Variants in ACSF3 observed in about 807,000 individuals in gnomAD.
ACSF3 encodes acyl-CoA synthetase family member 3.
Under a neutral mutation model 53.2 loss-of-function variants are expected in ACSF3, and 78 were observed. The observed-to-expected ratio is 1.47, with a 90% CI of 1.22 to 1.77. The LOEUF (loss-of-function observed/expected upper bound fraction) is 1.77. ACSF3 is among the 40% of genes most tolerant of loss of function. ACSF3 has a pLI of 0.00. For missense variants in ACSF3, 937 were observed against 771.1 expected (o/e 1.22, Z -2.55); for synonymous variants, 414 against 333.1 (o/e 1.24, Z -2.65).
chr16:89,148,728 C>G (rs1913569594), intron 10 of ACSF3: 1 of 152,240 alleles, frequency 6.6e-6, no homozygotes, highest in African/African-American at 2.4e-5. Context: ...GGAGCAGTGG[C>G]CTGAGCTCTA....
intron 8 of ACSF3, chr16:89,136,427 G>T (rs946863933): frequency 3.0e-6 from 3 of 1,004,722 alleles, no homozygotes; most frequent in South Asian, 1.6e-5. Context: ...TTTGTCACAG[G>T]CCATTAGCGA....
intron 10 of ACSF3, chr16:89,153,879 C>T: frequency 1.7e-6 from 1 of 602,430 alleles, no homozygotes; most frequent in East Asian, 2.8e-5. Flanking sequence ...GTGATAACAC[C>T]ATGCCGGGCA....
At chr16:89,099,895 G>A (rs570984573) in intron 2 of ACSF3, among the ~76,000 whole-genome samples, 6 of 150,688 alleles carry the variant, frequency 4.0e-5, no homozygotes, top group Non-Finnish European at 5.9e-5. Flanking sequence ...GAAAAGAAAA[G>A]AAGGAAAAAA....
At chr16:89,131,175 CTAGGCTGAAGTGCAGGGCTGCAG>C (rs1316554296) in intron 7 of ACSF3, among the ~76,000 whole-genome samples, 2 of 133,806 alleles carry the variant, frequency 1.5e-5, no homozygotes, top group Non-Finnish European at 3.1e-5. Flanking sequence ...ACTCCGTCAC[CTAGGCTGAAGTGCAGGGCTGCAG>C]TCTTGGTTCA....
chr16:89,120,137 C>T (rs1163631393), intron 6 of ACSF3, among the ~76,000 whole-genome samples: 1 of 152,222 alleles, frequency 6.6e-6, no homozygotes, highest in Non-Finnish European at 1.5e-5. Flanking sequence ...CGGCGGGACA[C>T]GTCTCGCCAC....
chr16:89,122,450 G>C (rs1042397233), intron 7 of ACSF3: 1 of 445,266 alleles, frequency 2.2e-6, no homozygotes, highest in Non-Finnish European at 4.5e-6. Context: ...TAGGCTGCTG[G>C]CCACACCCCA....
chr16:89,133,162 G>T lies in ACSF3; in HGVS notation c.1266G>T (p.Glu422Asp), dbSNP rs150322170. 5 of 1,614,030 alleles carry T rather than the reference G, an allele frequency of 3.1e-6. No individual in the cohort carries two copies. The highest frequency in any genetic ancestry group is 3.4e-6 in the Non-Finnish European group (4 of 1,179,996). Reference protein sequence around the residue: ...TKVTPGFEEKEGELLVRGPSV... With the variant: ...TKVTPGFEEKDGELLVRGPSV... Reference sequence around the variant, plus strand: ...TGACCCCAGGGTTTGAAGAAAAGGAGGGGGAGCTGCTGGTGAGGGGACCCT... The same window carrying T: ...TGACCCCAGGGTTTGAAGAAAAGGATGGGGAGCTGCTGGTGAGGGGACCCT... Residue 422 changes from glutamate to aspartate, a missense_variant, in exon 8 of 11, where the codon GAG becomes GAT. Glu to Asp is a conservative substitution (Grantham distance 45, BLOSUM62 2). Transcript: ENST00000614302.
intron 8 of ACSF3, among the ~76,000 whole-genome samples, chr16:89,138,883 A>C (rs1312074880): frequency 6.6e-6 from 1 of 152,252 alleles, no homozygotes; most frequent in Non-Finnish European, 1.5e-5. Flanking sequence ...TTTTAAGCCA[A>C]AGTTACACAC....
chr16:89,098,345 G>C (rs942895976), intron 1 of ACSF3, among the ~76,000 whole-genome samples: 4 of 152,272 alleles, frequency 2.6e-5, no homozygotes, highest in African/African-American at 9.6e-5. Flanking sequence ...GTGCTGGAGA[G>C]AGAGAACCTG....
chr16:89,124,033 C>A (rs1388657759), intron 7 of ACSF3, among the ~76,000 whole-genome samples: 2 of 151,530 alleles, frequency 1.3e-5, no homozygotes, highest in Non-Finnish European at 2.9e-5. Flanking sequence ...AGTGTGCACA[C>A]TGGTATCACA....
intron 8 of ACSF3, among the ~76,000 whole-genome samples, chr16:89,142,361 A>G (rs1471028573): frequency 1.3e-5 from 2 of 152,200 alleles, no homozygotes; most frequent in Non-Finnish European, 2.9e-5. Flanking sequence ...GGGCCTGACC[A>G]TGCCAGAAAC....
At position 89,143,032 on chromosome 16, in the gene ACSF3, C is replaced by G. The variant is rs140612223; in HGVS notation, c.1367-2235C>G. On this transcript the variant is annotated intron_variant, in intron 8 of 10. Transcript: ENST00000614302. ...ATGAGCCCACTCGGGGCTGGTGCTGCTGGAGATGGGGAAGAAAATTGCTCC... is the reference window on the plus strand; with the variant it reads ...ATGAGCCCACTCGGGGCTGGTGCTGGTGGAGATGGGGAAGAAAATTGCTCC... 7.0e-3 allele frequency among the ~76,000 whole-genome samples: 1,068 copies of G among 152,352 alleles called. 15 individuals are homozygous for G. Among genetic ancestry groups the G allele is most frequent in the African/African-American group, 0.025 (1,035 of 41,564 alleles).
At chr16:89,138,093 C>T (rs983258317) in intron 8 of ACSF3, among the ~76,000 whole-genome samples, 3 of 152,138 alleles carry the variant, frequency 2.0e-5, no homozygotes, top group Non-Finnish European at 2.9e-5. Context: ...CCCCAGCCGC[C>T]GGGGATTCCC....
intron 1 of ACSF3, among the ~76,000 whole-genome samples, chr16:89,095,549 C>G (rs950926201): frequency 7.9e-6 from 1 of 126,434 alleles, no homozygotes; most frequent in African/African-American, 3.1e-5. Flanking sequence ...ACGCTCTCAT[C>G]GGGGCAGCCG....
chr16:89,141,366 G>C (rs1398964814), intron 8 of ACSF3: 6 of 1,228,448 alleles, frequency 4.9e-6, no homozygotes, highest in Non-Finnish European at 6.4e-6. Flanking sequence ...CTAGAACAAA[G>C]CCTGACATGT....
At chr16:89,142,847 C>T (rs567936726) in intron 8 of ACSF3, among the ~76,000 whole-genome samples, 31 of 152,352 alleles carry the variant, frequency 2.0e-4, no homozygotes, top group African/African-American at 7.2e-4. Flanking sequence ...TCGCAGTGGG[C>T]GGAGAGGTTG....
chr16:89,100,730 G>C lies in ACSF3; in HGVS notation c.49G>C (p.Ala17Pro), dbSNP rs11547019. The change falls in exon 3 of 11, where the codon GCG becomes CCG. Residue 17 changes from alanine (A) to proline (P), a missense_variant. Transcript: ENST00000614302. ...CTTCCGGCGCCTGGGCTGCGCCTTG[G>C]CGTCCTGCCGGCTGGCGCCTGCGAG... Reference protein sequence around the residue: ...LTFRRLGCALASCRLAPARHR... With the variant: ...LTFRRLGCALPSCRLAPARHR... 73,528 of 1,603,766 alleles carry C rather than the reference G, an allele frequency of 0.046. 2,120 individuals are homozygous for C. Among genetic ancestry groups the C allele is most frequent in the East Asian group, 0.12 (5,595 of 44,848 alleles).
intron 4 of ACSF3, among the ~76,000 whole-genome samples, chr16:89,110,796 C>G (rs774031696): frequency 1.3e-5 from 2 of 152,204 alleles, no homozygotes; most frequent in Admixed American, 1.3e-4. Context: ...AGCCTGGCCT[C>G]TCTCCACCCG....
chr16:89,133,222 A>G lies in ACSF3; in HGVS notation c.1326A>G (p.Glu442=). The G allele has an allele frequency of 6.2e-7, 1 of 1,614,126 alleles. No homozygotes were observed. Among genetic ancestry groups the G allele is most frequent in the Non-Finnish European group, 8.5e-7 (1 of 1,180,026 alleles). The part of the protein sequence containing the change: ...VFREYWNKPE[E]TKSAFTLDGW... ...GAGAATACTGGAATAAACCAGAAGA[A>G]ACTAAGAGTGCATTCACCCTGGATG... Residue 442 remains glutamate (E), a synonymous_variant, in exon 8 of 11, where the codon GAA becomes GAG. Transcript: ENST00000614302.
Sources: allele counts gnomAD v4.1 joint callset (sites outside exome capture counted in the v4.1 genomes callset), GRCh38; gene constraint gnomAD v4.1.1; transcripts MANE v1.5; gene names NCBI Gene and HGNC (gene_info 2026-07-23, HGNC 2026-07-21).